The following PNPT1 variants were observed in gnomAD, a reference collection of about 807,000 sequenced individuals.
PNPT1 encodes polyribonucleotide nucleotidyltransferase 1, mitochondrial.
In PNPT1, 53 loss-of-function variants were observed where a neutral mutation model predicts 119.5. That is an observed-to-expected ratio of 0.44 (90% CI 0.36 to 0.56). PNPT1 has a LOEUF of 0.56. Ranked by LOEUF, PNPT1 falls within the 20% of genes least tolerant of loss-of-function variation. The pLI is 0.00. For synonymous variants in PNPT1, 357 were observed against 322.1 expected (o/e 1.11, Z -1.16); for missense variants, 948 against 938.5 (o/e 1.01, Z -0.13).
chr2:55,660,332 A>C, intron 14 of PNPT1, 139 bp from the exon 15 acceptor site: 1 of 804,244 alleles, frequency 1.2e-6, no homozygotes, highest in Non-Finnish European at 1.8e-6. Flanking sequence ...TGAAAACCAA[A>C]GAATTAATTA....
At chr2:55,656,415 G>T in intron 15 of PNPT1, 44 bp from the exon 16 acceptor site, 1 of 1,485,534 alleles carries the variant, frequency 6.7e-7, no homozygotes, top group Non-Finnish European at 9.2e-7. Context: ...AATTGACATA[G>T]AAAGATGTCC....
Position 55,667,842 on chromosome 2 carries a change from A to C in PNPT1, c.1073+20T>G. On this transcript the variant is annotated intron_variant, in intron 12 of 27. Transcript: ENST00000447944. ...AGAGACAGTGCATACTTCAATTTCAACAAAAAAGGGTATGTTTACCTTTTG... is the reference window on the plus strand; with the variant it reads ...AGAGACAGTGCATACTTCAATTTCACCAAAAAAGGGTATGTTTACCTTTTG... The C allele has an allele frequency of 6.3e-7, 1 of 1,593,422 alleles. No individual in the cohort carries two copies. Among genetic ancestry groups the C allele is most frequent in the African/African-American group, 1.4e-5 (1 of 73,506 alleles).
chr2:55,689,076 A>G lies in PNPT1; in HGVS notation c.162-1371T>C, dbSNP rs539284422. On this transcript the variant is annotated intron_variant, in intron 1 of 27. Transcript: ENST00000447944. ...CTTAAATATGACATCAAAAGCATAA[A>G]TGACAAAAGAAAAAAATAGGTAAGC... 3.9e-5 allele frequency among the ~76,000 whole-genome samples: 6 copies of G among 152,336 alleles called. No individual in the cohort carries two copies. The East Asian group carries it at 1.2e-3, about 29-fold the overall frequency.
intron 18 of PNPT1, among the ~76,000 whole-genome samples, chr2:55,650,333 C>T (rs1200075660): frequency 1.3e-5 from 2 of 151,678 alleles, no homozygotes; most frequent in African/African-American, 2.4e-5. Flanking sequence ...TTGGTGGAGA[C>T]GGGGTTTCGC....
intron 18 of PNPT1, among the ~76,000 whole-genome samples, chr2:55,650,889 G>T (rs537798093): frequency 6.6e-6 from 1 of 151,824 alleles, no homozygotes; most frequent in South Asian, 2.1e-4. Flanking sequence ...TCGTCCGGCA[G>T]GGAGGTGGGG....
chr2:55,690,410 G>C (rs996399129), intron 1 of PNPT1, among the ~76,000 whole-genome samples: 1 of 152,184 alleles, frequency 6.6e-6, no homozygotes, highest in East Asian at 1.9e-4. Context: ...ATCATAGTCT[G>C]GTGCTGAAAA....
chr2:55,656,419 G>C, intron 15 of PNPT1, 48 bp from the exon 16 acceptor site: 1 of 1,478,584 alleles, frequency 6.8e-7, no homozygotes, highest in Non-Finnish European at 9.2e-7. Flanking sequence ...GACATAGAAA[G>C]ATGTCCAAGT....
intron 26 of PNPT1, among the ~76,000 whole-genome samples, chr2:55,639,486 C>G (rs1298095017): frequency 1.3e-5 from 2 of 152,130 alleles, no homozygotes; most frequent in Non-Finnish European, 1.5e-5. Flanking sequence ...GAATTTTAAA[C>G]TATCTGAAAG....
In PNPT1 at chr2:55,667,961, A is replaced by G. The variant is rs888972150; in HGVS notation, c.977-3T>C. ...TGGATCGGCTTCTGGAAATTTTTCT[A>G]TAGAAAAAAGACAAACCAAAACAAA... On this transcript the variant is annotated splice_region_variant and splice_polypyrimidine_tract_variant and intron_variant, in intron 11 of 27. Transcript: ENST00000447944. The G allele has an allele frequency of 8.2e-6, 13 of 1,576,696 alleles. No individual in the cohort carries two copies. The highest frequency in any genetic ancestry group is 4.3e-5 in the Admixed American group (2 of 46,406).
intron 11 of PNPT1, among the ~76,000 whole-genome samples, chr2:55,669,234 G>A (rs1049014886): frequency 6.6e-6 from 1 of 152,114 alleles, no homozygotes; most frequent in African/African-American, 2.4e-5. Context: ...GACCACACAG[G>A]TAGTAACTGA....
At chr2:55,663,318 T>C (rs1456067608) in intron 13 of PNPT1, among the ~76,000 whole-genome samples, 3 of 152,184 alleles carry the variant, frequency 2.0e-5, no homozygotes, top group African/African-American at 7.2e-5. Flanking sequence ...TGAAGATGAA[T>C]GAACAGAAAT....
Position 55,635,668 on chromosome 2 carries a change from AT to A in PNPT1, c.*568del, listed in dbSNP as rs1695648737. The A allele has an allele frequency of 7.2e-6, 1 of 138,314 alleles. No individual in the cohort carries two copies. The highest frequency in any genetic ancestry group is 2.6e-5 in the African/African-American group (1 of 38,622). 8.6% of individuals were successfully genotyped at this position (138,314 alleles called of 1,614,324 possible). ...TTATATTTATTCCACTCTGTTTATG[AT>A]TTGGTAACTAATTTGAAAGGCATTA... On this transcript the variant is annotated 3_prime_UTR_variant, in exon 28 of 28. Transcript: ENST00000447944.
At chr2:55,683,483 C>A (rs1324968069) in intron 5 of PNPT1, among the ~76,000 whole-genome samples, 1 of 151,606 alleles carries the variant, frequency 6.6e-6, no homozygotes, top group Non-Finnish European at 1.5e-5. Flanking sequence ...CATGGTGGTG[C>A]GTGCCTGTAA....
intron 8 of PNPT1, among the ~76,000 whole-genome samples, chr2:55,676,031 C>A (rs1037359868): frequency 6.6e-6 from 1 of 152,028 alleles, no homozygotes; most frequent in Non-Finnish European, 1.5e-5. Flanking sequence ...GAAGCTGAGG[C>A]AGGTGGATCA....
chr2:55,671,374 A>T lies in PNPT1; in HGVS notation c.921T>A (p.Val307=). ...TTTTGTTAACAGCTTCATCTCTGGA[A>T]ACCTAAAAGAAAGTTGAGGTTCAGT... ...AVFTDYEHDK[V]SRDEAVNKIR... Residue 307 remains valine (V), a splice_region_variant and synonymous_variant, in exon 11 of 28, where the codon GTT becomes GTA. Coordinates refer to ENST00000447944, the MANE Select transcript of PNPT1 (RefSeq NM_033109.5). The T allele has an allele frequency of 6.6e-7, 1 of 1,526,568 alleles. No individual in the cohort carries two copies. The highest frequency in any genetic ancestry group is 8.8e-7 in the Non-Finnish European group (1 of 1,133,436). 94.6% of individuals were successfully genotyped at this position (1,526,568 alleles called of 1,614,324 possible).
At chr2:55,678,563 A>G (rs900273012) in intron 8 of PNPT1, among the ~76,000 whole-genome samples, 1 of 152,206 alleles carries the variant, frequency 6.6e-6, no homozygotes, top group Admixed American at 6.5e-5. Context: ...TGTAAGTCAG[A>G]TAAGTTGGCC....
At chr2:55,660,267 G>A in intron 14 of PNPT1, 74 bp from the exon 15 acceptor site, 4 of 1,411,356 alleles carry the variant, frequency 2.8e-6, no homozygotes, top group Non-Finnish European at 2.9e-6. Flanking sequence ...AACTAAAACA[G>A]ATTTAAGGGG....
chr2:55,645,604 C>T (rs1162350412), intron 21 of PNPT1, among the ~76,000 whole-genome samples, 172 bp from the exon 22 acceptor site: 1 of 152,208 alleles, frequency 6.6e-6, no homozygotes, highest in Non-Finnish European at 1.5e-5. Flanking sequence ...AAAATCCCAT[C>T]TTAAATAGAG....
At chr2:55,674,583 G>C (rs1697008784) in intron 8 of PNPT1, among the ~76,000 whole-genome samples, 1 of 152,060 alleles carries the variant, frequency 6.6e-6, no homozygotes, top group Non-Finnish European at 1.5e-5. Context: ...ACAGAATGAG[G>C]CTCCATCTCA....
Sources: gnomAD v4.1 joint callset for allele counts (sites outside exome capture counted in the v4.1 genomes callset) on GRCh38, gnomAD v4.1.1 for gene constraint, MANE v1.5 for transcripts, NCBI Gene and HGNC (gene_info 2026-07-23, HGNC 2026-07-21) for gene names.